The following LYPLAL1 variants were observed in gnomAD, a reference collection of about 807,000 sequenced individuals.
LYPLAL1 encodes the protein lysophospholipase-like protein 1.
LYPLAL1 carries 23 observed loss-of-function variants against 19.7 expected under a neutral mutation model. The observed-to-expected ratio is 1.17, with a 90% CI of 0.84 to 1.65. The LOEUF (loss-of-function observed/expected upper bound fraction) is 1.65, where lower values mean the gene tolerates loss of function less well. Among genes scored for constraint, LYPLAL1 ranks in the 40% most tolerant of loss-of-function variants. LYPLAL1 has a pLI of 0.00. For missense variants in LYPLAL1, 355 were observed against 279.4 expected, an observed-to-expected ratio of 1.27 and a Z score of -1.93; for synonymous variants, 119 against 96.3, an observed-to-expected ratio of 1.24 and a Z score of -1.38.
the LYPLAL1 span, among the ~76,000 whole-genome samples, chr1:219,424,311 A>G: frequency 0.014 from 2,119 of 152,314 alleles, 46 homozygotes; most frequent in African/African-American, 0.048. Flanking sequence ...TTAGGCTCTG[A>G]TATGACACTT....
chr1:219,192,867 A>G (rs893978058), intron 2 of LYPLAL1, among the ~76,000 whole-genome samples: 18 of 151,738 alleles, frequency 1.2e-4, no homozygotes, highest in African/African-American at 4.1e-4. Flanking sequence ...TAAAGAGGAT[A>G]TGAACTGGCA....
At chr1:219,218,844 C>G in the LYPLAL1 span, among the ~76,000 whole-genome samples, 1 of 152,090 alleles carries the variant, frequency 6.6e-6, no homozygotes, top group African/African-American at 2.4e-5. Context: ...AACGCAAGTA[C>G]CAGAATGAGG....
At chr1:219,380,417 G>A in the LYPLAL1 span, among the ~76,000 whole-genome samples, 1 of 152,208 alleles carries the variant, frequency 6.6e-6, no homozygotes, top group Non-Finnish European at 1.5e-5. Context: ...CATGCTCATT[G>A]GAAGAGTCCT....
chr1:219,384,966 G>A, the LYPLAL1 span, among the ~76,000 whole-genome samples: 18 of 152,252 alleles, frequency 1.2e-4, no homozygotes, highest in Non-Finnish European at 2.5e-4. Context: ...TGTACAACAG[G>A]TCCAAATAAG....
chr1:219,323,276 GA>G, the LYPLAL1 span, among the ~76,000 whole-genome samples: 14 of 152,064 alleles, frequency 9.2e-5, no homozygotes, highest in South Asian at 4.1e-4. Flanking sequence ...CATGAACTAG[GA>G]AAAAAAGACC....
At chr1:219,345,200 G>A in the LYPLAL1 span, among the ~76,000 whole-genome samples, 1 of 152,200 alleles carries the variant, frequency 6.6e-6, no homozygotes, top group East Asian at 1.9e-4. Context: ...ATTATTATAT[G>A]TTTGTACACA....
the LYPLAL1 span, among the ~76,000 whole-genome samples, chr1:219,343,779 A>G: frequency 6.6e-6 from 1 of 152,040 alleles, no homozygotes; most frequent in African/African-American, 2.4e-5. Context: ...ATTCTCATCT[A>G]GTGATCTCAC....
chr1:219,245,875 C>G, the LYPLAL1 span, among the ~76,000 whole-genome samples: 1 of 152,048 alleles, frequency 6.6e-6, no homozygotes, highest in African/African-American at 2.4e-5. Context: ...CTGACAAAAT[C>G]TAAACTGCAC....
chr1:219,364,844 A>G, the LYPLAL1 span, among the ~76,000 whole-genome samples: 1 of 152,170 alleles, frequency 6.6e-6, no homozygotes, highest in Non-Finnish European at 1.5e-5. Context: ...CTCCATCAAA[A>G]GTCAAGTTAC....
At chr1:219,412,892 C>T in the LYPLAL1 span, among the ~76,000 whole-genome samples, 3 of 152,260 alleles carry the variant, frequency 2.0e-5, no homozygotes, top group Non-Finnish European at 4.4e-5. Context: ...TTCATGAGAC[C>T]TCTGGTATGA....
the LYPLAL1 span, among the ~76,000 whole-genome samples, chr1:219,368,651 G>C: frequency 6.6e-6 from 1 of 152,172 alleles, no homozygotes. Context: ...AAGGTTTTCT[G>C]TCATCCAAAA....
At chr1:219,235,548 G>T in the LYPLAL1 span, among the ~76,000 whole-genome samples, 1 of 152,156 alleles carries the variant, frequency 6.6e-6, no homozygotes, top group Non-Finnish European at 1.5e-5. Context: ...TATGTGCCAT[G>T]ACCAAACATG....
intron 2 of LYPLAL1, 53 bp downstream of exon 2, chr1:219,179,299 T>C (rs1283344418): frequency 1.0e-5 from 13 of 1,271,150 alleles, no homozygotes; most frequent in East Asian, 2.4e-5. Context: ...ATAAAATATA[T>C]ATAGAGAGAT....
chr1:219,322,023 C>T, the LYPLAL1 span, among the ~76,000 whole-genome samples: 2 of 152,148 alleles, frequency 1.3e-5, no homozygotes. Context: ...ATATTTAGCA[C>T]ACCTATATTT....
At chr1:219,397,246 G>A in the LYPLAL1 span, among the ~76,000 whole-genome samples, 1 of 152,210 alleles carries the variant, frequency 6.6e-6, no homozygotes, top group Non-Finnish European at 1.5e-5. Context: ...AACCAACCTT[G>A]TATTCCAGGG....
chr1:219,248,962 C>T, the LYPLAL1 span, among the ~76,000 whole-genome samples: 2 of 151,998 alleles, frequency 1.3e-5, no homozygotes, highest in African/African-American at 4.8e-5. Context: ...TTTAAAAAAA[C>T]ATGTACCCCT....
chr1:219,410,456 G>T, the LYPLAL1 span, among the ~76,000 whole-genome samples: 1 of 152,218 alleles, frequency 6.6e-6, no homozygotes, highest in Non-Finnish European at 1.5e-5. Context: ...CACCTAATTT[G>T]TTTTGTTTGG....
chr1:219,424,623 C>G, the LYPLAL1 span, among the ~76,000 whole-genome samples: 1 of 152,160 alleles, frequency 6.6e-6, no homozygotes, highest in Admixed American at 6.5e-5. Context: ...TGATGACATC[C>G]TCATACCAAC....
At chr1:219,241,130 CTCTCTATA>C in the LYPLAL1 span, among the ~76,000 whole-genome samples, 427 of 71,090 alleles carry the variant, frequency 6.0e-3, 1 homozygote, top group African/African-American at 9.0e-3. Flanking sequence ...CTCTCTCTCT[CTCTCTATA>C]TATATATATA....
Sources: gnomAD v4.1 joint callset for allele counts (sites outside exome capture counted in the v4.1 genomes callset) on GRCh38, gnomAD v4.1.1 for gene constraint, MANE v1.5 for transcripts, NCBI Gene and HGNC (gene_info 2026-07-23, HGNC 2026-07-21) for gene names.